LHPP: variants seen among roughly 807,000 people sequenced by gnomAD.
The protein encoded by LHPP is phospholysine phosphohistidine inorganic pyrophosphate phosphatase.
LHPP carries 24 observed loss-of-function variants against 30.3 expected under a neutral mutation model. The observed-to-expected ratio is 0.79, with a 90% confidence interval of 0.57 to 1.11. The LOEUF (loss-of-function observed/expected upper bound fraction) is 1.11, where lower values mean the gene tolerates loss of function less well. Among genes scored for constraint, LHPP ranks in the 50% most tolerant of loss-of-function variants. The pLI, the probability that LHPP is intolerant of heterozygous loss-of-function variation, is 0.00. For missense variants in LHPP, 356 were observed against 367.2 expected (o/e 0.97, Z 0.25); for synonymous variants, 150 against 157.1 (o/e 0.95, Z 0.34).
In LHPP at chr10:124,541,214, G is replaced by T. The variant is rs776724119; in HGVS notation, c.716+23943G>T. Among the ~76,000 whole-genome samples, 16 of 152,142 alleles carry T rather than the reference G, an allele frequency of 1.1e-4. No homozygotes were observed. The highest frequency in any genetic ancestry group is 1.9e-4 in the Non-Finnish European group (13 of 68,024). Reference sequence around the variant, plus strand: ...CCAAGAGGCAGCTTGGAGGTGGGCCGCTGCCCCTGCACACTGTGCTTGGGG... The same window carrying T: ...CCAAGAGGCAGCTTGGAGGTGGGCCTCTGCCCCTGCACACTGTGCTTGGGG... On this transcript the variant is annotated intron_variant, in intron 6 of 6. Transcript: ENST00000368842. The surrounding 1 kb of genome is among the most constrained non-coding windows in gnomAD (Gnocchi z 4.2).
chr10:124,463,820 CTTTTTTTTTT>C (rs35122241), intron 1 of LHPP, among the ~76,000 whole-genome samples: 8 of 120,776 alleles, frequency 6.6e-5, no homozygotes, highest in Admixed American at 2.6e-4. Context: ...ATTTTTTTTT[CTTTTTTTTTT>C]TTTTTTTTTG....
At chr10:124,471,503 T>C (rs370186496) in intron 1 of LHPP, among the ~76,000 whole-genome samples, 1 of 5,846 alleles carries the variant, frequency 1.7e-4, no homozygotes, top group African/African-American at 3.4e-4. Flanking sequence ...TATATATTTA[T>C]ATATTATATA....
At chr10:124,543,653 G>A (rs1214226847) in intron 6 of LHPP, among the ~76,000 whole-genome samples, 1 of 152,190 alleles carries the variant, frequency 6.6e-6, no homozygotes, top group Non-Finnish European at 1.5e-5. Context: ...GGGGTCCGTG[G>A]GGCCTGTCTG....
intron 5 of LHPP, 193 bp downstream of exon 5, chr10:124,498,321 C>T (rs562874836): frequency 1.3e-5 from 21 of 1,577,120 alleles, no homozygotes; most frequent in South Asian, 3.5e-5. Context: ...TAGTTTCAAC[C>T]GTGAAGTTAC....
rs1390177264 is a variant in LHPP, at chr10:124,523,828, AG to A, written c.716+6560del. ...CCTCGGGTACTCATCCTGGCAGTGC[AG>A]GGAAGGGCACCGGGAACAGGCCTGT... On this transcript the variant is annotated intron_variant, in intron 6 of 6. Coordinates refer to ENST00000368842, the MANE Select transcript of LHPP (RefSeq NM_022126.4). This position sits in a 1 kb window ranked among gnomAD's most constrained non-coding sequence, Gnocchi z 4.2. Among the ~76,000 whole-genome samples, 1 of 152,168 alleles carries A rather than the reference AG, an allele frequency of 6.6e-6. No homozygotes were observed. The highest frequency in any genetic ancestry group is 1.5e-5 in the Non-Finnish European group (1 of 68,028).
intron 6 of LHPP, among the ~76,000 whole-genome samples, chr10:124,527,772 CT>C (rs373948138): frequency 2.8e-4 from 29 of 104,140 alleles, no homozygotes; most frequent in South Asian, 4.3e-4. Context: ...TCTCTTTGTG[CT>C]TTTTTTTTTT....
chr10:124,540,494 C>G (rs973784033), intron 6 of LHPP, among the ~76,000 whole-genome samples: 15 of 152,250 alleles, frequency 9.9e-5, no homozygotes, highest in African/African-American at 3.4e-4. Flanking sequence ...CCCGAGCGCC[C>G]TTCACCCTGA....
chr10:124,526,038 C>T (rs772014563), intron 6 of LHPP: 59 of 306,066 alleles, frequency 1.9e-4, no homozygotes, highest in Non-Finnish European at 2.5e-4. Context: ...AGCCTCCCAA[C>T]CCCAGGAATT....
At position 124,592,877 on chromosome 10, in the gene LHPP, G is replaced by A. The variant is rs1948898376; in HGVS notation, c.717-20387G>A. Among the ~76,000 whole-genome samples, 1 of 152,260 alleles carries A rather than the reference G, an allele frequency of 6.6e-6. No individual in the cohort carries two copies. The highest frequency in any genetic ancestry group is 2.4e-5 in the African/African-American group (1 of 41,476). On this transcript the variant is annotated intron_variant, in intron 6 of 6. Transcript: ENST00000368842. This position sits in a 1 kb window ranked among gnomAD's most constrained non-coding sequence, Gnocchi z 6.2. ...CCAGGAGCCCGGGCAGCTTGGATGG[G>A]GTCCCTGTGGGCACAATCGGCCCAG...
chr10:124,485,095 G>T (rs1189802501), intron 2 of LHPP, among the ~76,000 whole-genome samples: 1 of 152,072 alleles, frequency 6.6e-6, no homozygotes, highest in Non-Finnish European at 1.5e-5. Flanking sequence ...GGCAAGGTGG[G>T]GGCTCTCAAG....
At chr10:124,544,909 G>A (rs1221552902) in intron 6 of LHPP, among the ~76,000 whole-genome samples, 1 of 152,230 alleles carries the variant, frequency 6.6e-6, no homozygotes, top group Non-Finnish European at 1.5e-5. Context: ...GAGTGCATAT[G>A]TGCGCAGGGC....
At chr10:124,494,119 C>T (rs926596024) in intron 3 of LHPP, among the ~76,000 whole-genome samples, 8 of 152,118 alleles carry the variant, frequency 5.3e-5, no homozygotes, top group African/African-American at 1.2e-4. Context: ...TTCAGTTGCA[C>T]GTTCAGTTTT....
At chr10:124,545,346 G>T (rs947423890) in intron 6 of LHPP, among the ~76,000 whole-genome samples, 2 of 152,150 alleles carry the variant, frequency 1.3e-5, no homozygotes, top group African/African-American at 2.4e-5. Flanking sequence ...ATAGACTTCC[G>T]CCTGGTCCCT....
intron 5 of LHPP, among the ~76,000 whole-genome samples, chr10:124,512,851 G>A (rs141507831): frequency 1.1e-3 from 172 of 152,120 alleles, no homozygotes; most frequent in African/African-American, 3.9e-3. Context: ...TGGCCACATC[G>A]GGCCCGCCCC....
chr10:124,484,178 C>T lies in LHPP; in HGVS notation c.165C>T (p.Asn55=), dbSNP rs374442989. Residue 55 remains asparagine, a synonymous_variant, in exon 2 of 7, where the codon AAC becomes AAT. Coordinates refer to ENST00000368842, the MANE Select transcript of LHPP (RefSeq NM_022126.4). ...GGCTGAAGGTGAGGTTCTGCACCAACGAGTCGCAGAAGTCCCGGGCAGAGC... is the reference window on the plus strand; with the variant it reads ...GGCTGAAGGTGAGGTTCTGCACCAATGAGTCGCAGAAGTCCCGGGCAGAGC... ...RSRLKVRFCT[N]ESQKSRAELV... 6.0e-5 allele frequency: 97 copies of T among 1,613,938 alleles called. No homozygotes were observed. The highest frequency in any genetic ancestry group is 7.7e-5 in the Non-Finnish European group (91 of 1,180,022).
chr10:124,604,240 C>T (rs1438507498), intron 6 of LHPP, among the ~76,000 whole-genome samples: 1 of 152,226 alleles, frequency 6.6e-6, no homozygotes, highest in African/African-American at 2.4e-5. Context: ...GCCATCTCCA[C>T]TCCGCCACCC....
intron 6 of LHPP, among the ~76,000 whole-genome samples, chr10:124,566,078 C>T (rs1228412909): frequency 6.6e-6 from 1 of 152,250 alleles, no homozygotes; most frequent in Non-Finnish European, 1.5e-5. Context: ...TGGGCAGTTG[C>T]CATGCCACTC....
intron 6 of LHPP, among the ~76,000 whole-genome samples, chr10:124,585,945 C>T (rs571977028): frequency 1.3e-5 from 2 of 152,174 alleles, no homozygotes; most frequent in African/African-American, 4.8e-5. Context: ...CCACCACACC[C>T]AGCTAATTTT....
intron 1 of LHPP, among the ~76,000 whole-genome samples, chr10:124,472,802 C>T (rs1952824718): frequency 6.6e-6 from 1 of 152,214 alleles, no homozygotes; most frequent in African/African-American, 2.4e-5. Flanking sequence ...AGGTGATCCG[C>T]CCGCCTCAGC....
Sources: allele counts gnomAD v4.1 joint callset (sites outside exome capture counted in the v4.1 genomes callset), GRCh38; gene constraint gnomAD v4.1.1; non-coding constraint Gnocchi (gnomAD v3.1); transcripts MANE v1.5; gene names NCBI Gene and HGNC (gene_info 2026-07-23, HGNC 2026-07-21).